SETD1A: variants seen among roughly 807,000 people sequenced by gnomAD.
SETD1A encodes histone-lysine N-methyltransferase SETD1A.
A neutral mutation model predicts 149.9 loss-of-function variants in SETD1A; 29 were observed. The ratio of observed to expected loss-of-function variants is 0.19; its 90% CI spans 0.14 to 0.26. The LOEUF (loss-of-function observed/expected upper bound fraction) is 0.26. SETD1A is among the 10% of genes least tolerant of loss of function. The pLI, the probability that SETD1A is intolerant of heterozygous loss-of-function variation, is 1.00. For missense variants in SETD1A, 2,109 were observed against 2,353.1 expected, an observed-to-expected ratio of 0.90 and a Z score of 2.15; for synonymous variants, 1,141 against 968.5, an observed-to-expected ratio of 1.18 and a Z score of -3.31.
In SETD1A at chr16:30,983,828, T is replaced by A. The variant is rs770192761; in HGVS notation, c.4951-22T>A. 6.2e-7 allele frequency: 1 copy of A among 1,610,480 alleles called. No individual in the cohort carries two copies. Among genetic ancestry groups the A allele is most frequent in the Non-Finnish European group, 8.5e-7 (1 of 1,177,942 alleles). ...GGGGGTCGGTGGGGGTGGCCACGGC[T>A]CACACGCCCTTCCATCCGCAGCCTA... On this transcript the variant is annotated intron_variant, in intron 18 of 18. Coordinates refer to ENST00000262519, the MANE Select transcript of SETD1A (RefSeq NM_014712.3). The surrounding 1 kb of genome is among the most constrained non-coding windows in gnomAD (Gnocchi z 6.8).
intron 13 of SETD1A, among the ~76,000 whole-genome samples, chr16:30,977,716 G>T (rs2056301125): frequency 6.6e-6 from 1 of 152,210 alleles, no homozygotes; most frequent in Non-Finnish European, 1.5e-5. Context: ...ACCCCAGCGG[G>T]TGTCTAGAGC....
intron 10 of SETD1A, among the ~76,000 whole-genome samples, chr16:30,968,384 T>C (rs1338685785): frequency 7.1e-6 from 1 of 140,958 alleles, no homozygotes; most frequent in Non-Finnish European, 1.5e-5. Flanking sequence ...GCCTGGGTGA[T>C]AGCACGAGAC....
At chr16:30,971,282 A>G in intron 12 of SETD1A, 96 bp from the exon 13 acceptor site, 1 of 1,311,902 alleles carries the variant, frequency 7.6e-7, no homozygotes, top group African/African-American at 1.5e-5. Context: ...TCCCTAGCCC[A>G]GAGCCCAGCA....
intron 5 of SETD1A, 118 bp downstream of exon 5, chr16:30,963,672 C>A: frequency 8.8e-7 from 1 of 1,134,192 alleles, no homozygotes. Context: ...AAGAGCCAAG[C>A]AAAGCTGCTG....
chr16:30,971,432 A>C lies in SETD1A; in HGVS notation c.3071A>C (p.Asp1024Ala). 6.2e-7 allele frequency: 1 copy of C among 1,612,490 alleles called. No homozygotes were observed. The highest frequency in any genetic ancestry group is 8.5e-7 in the Non-Finnish European group (1 of 1,178,918). The change falls in exon 13 of 19, where the codon GAT becomes GCT. Residue 1024 changes from aspartate to alanine, a missense_variant. Physicochemically the swap from Asp to Ala is moderately radical, Grantham distance 126 (BLOSUM62 -2). Coordinates refer to ENST00000262519, the MANE Select transcript of SETD1A (RefSeq NM_014712.3). ...AAATGTTCTCTGTATGCTGACTCAG[A>C]TGGCGAAAATGACAGCACATCAGAC... The part of the protein sequence containing the change: ...SSKCSLYADS[D>A]GENDSTSDSE...
chr16:30,971,698 G>A lies in SETD1A; in HGVS notation c.3337G>A (p.Ala1113Thr). Residue 1113 changes from alanine to threonine, a missense_variant, in exon 13 of 19, where the codon GCG becomes ACG. Physicochemically the swap from Ala to Thr is moderately conservative, Grantham distance 58. Transcript: ENST00000262519. ...SPVTPLPEQE[A>T]SPARPAGPTE... Reference sequence around the variant, plus strand: ...AGTCACACCCCTGCCCGAACAGGAGGCGTCTCCAGCAAGGCCTGCAGGTAG... The same window carrying A: ...AGTCACACCCCTGCCCGAACAGGAGACGTCTCCAGCAAGGCCTGCAGGTAG... 1 of 1,577,126 alleles carries A rather than the reference G, an allele frequency of 6.3e-7. No individual in the cohort carries two copies. Among genetic ancestry groups the A allele is most frequent in the East Asian group, 2.3e-5 (1 of 44,354 alleles).
intron 13 of SETD1A, among the ~76,000 whole-genome samples, chr16:30,976,875 A>G (rs1291677746): frequency 2.0e-5 from 3 of 151,998 alleles, no homozygotes; most frequent in Admixed American, 6.5e-5. Context: ...AGGGCACGAC[A>G]AGGGAGTCTG....
intron 1 of SETD1A, 90 bp from the exon 2 acceptor site, chr16:30,958,627 A>T: frequency 8.8e-7 from 1 of 1,140,090 alleles, no homozygotes; most frequent in Non-Finnish European, 1.3e-6. Context: ...GTGATGGGAG[A>T]ACCTGGAATC....
At position 30,971,683 on chromosome 16, in the gene SETD1A, C is replaced by G; in HGVS notation, c.3322C>G (p.Leu1108Val). 6.3e-7 allele frequency: 1 copy of G among 1,592,614 alleles called. No individual in the cohort carries two copies. The highest frequency in any genetic ancestry group is 1.1e-5 in the South Asian group (1 of 89,228). Reference protein sequence around the residue: ...ERVAGSPVTPLPEQEASPARP... With the variant: ...ERVAGSPVTPVPEQEASPARP... ...GGTTGCAGGCTCCCCAGTCACACCCCTGCCCGAACAGGAGGCGTCTCCAGC... is the reference window on the plus strand; with the variant it reads ...GGTTGCAGGCTCCCCAGTCACACCCGTGCCCGAACAGGAGGCGTCTCCAGC... Residue 1108 changes from leucine to valine, a missense_variant, in exon 13 of 19, where the codon CTG becomes GTG. Leu to Val is a conservative substitution (Grantham distance 32). Around this residue, in one of 8 missense-constraint regions of SETD1A, gnomAD observed 832 missense variants for 815.6 expected, o/e 1.02. Coordinates refer to ENST00000262519, the MANE Select transcript of SETD1A (RefSeq NM_014712.3).
chr16:30,961,513 A>G lies in SETD1A; in HGVS notation c.493A>G (p.Ile165Val). Residue 165 changes from isoleucine to valine, a missense_variant, in exon 4 of 19, where the codon ATC (isoleucine) becomes GTC (valine). By Grantham distance (29) the Ile-to-Val change is conservative. Coordinates refer to ENST00000262519, the MANE Select transcript of SETD1A (RefSeq NM_014712.3). This position sits in a 1 kb window ranked among gnomAD's most constrained non-coding sequence, Gnocchi z 4.0. ...CCTTACCTCCGTCATGGGCAACATC[A>G]TCCATGCCCAGCTTGACATCAAAGG... is the stretch of plus-strand genomic sequence containing the variant. ...LHLTSVMGNI[I>V]HAQLDIKGQQ... The G allele has an allele frequency of 6.2e-7, 1 of 1,613,936 alleles. No homozygotes were observed. The highest frequency in any genetic ancestry group is 8.5e-7 in the Non-Finnish European group (1 of 1,179,968).
At position 30,964,820 on chromosome 16, in the gene SETD1A, C is replaced by T. The variant is rs1596674555; in HGVS notation, c.1078C>T (p.Arg360Cys). The change falls in exon 7 of 19, where the codon CGT becomes TGT. Residue 360 changes from arginine to cysteine, a missense_variant. By Grantham distance (180) the Arg-to-Cys change is radical. Transcript: ENST00000262519. ...CTCTTCCTCCTCGTCCTCTCAGTTTCGTAGTTCTGATGCAAACTACCCAGC... is the reference window on the plus strand; with the variant it reads ...CTCTTCCTCCTCGTCCTCTCAGTTTTGTAGTTCTGATGCAAACTACCCAGC... ...SSSSSSSSQF[R>C]SSDANYPAYY... 1.2e-6 allele frequency: 2 copies of T among 1,614,166 alleles called. No homozygotes were observed. The highest frequency in any genetic ancestry group is 2.2e-5 in the East Asian group (1 of 44,882).
At position 30,979,809 on chromosome 16, in the gene SETD1A, G is replaced by A. The variant is rs770195248; in HGVS notation, c.4023G>A (p.Val1341=). ...ATGAGGTCCTGGAGGCCCCCGAGGT[G>A]GTGGTGGCTGAGGCGGAGGAGCCCA... ...PADEVLEAPE[V]VVAEAEEPKP... is the part of the protein sequence containing the mutation. Residue 1341 remains valine (V), a synonymous_variant, in exon 14 of 19, where the codon GTG becomes GTA. Coordinates refer to ENST00000262519, the MANE Select transcript of SETD1A (RefSeq NM_014712.3). 8 of 1,568,990 alleles carry A rather than the reference G, an allele frequency of 5.1e-6. No homozygotes were observed. In the South Asian group the frequency reaches 6.8e-5, roughly 13 times the overall value.
At chr16:30,967,391 T>A in intron 9 of SETD1A, 110 bp from the exon 10 acceptor site, 1 of 927,192 alleles carries the variant, frequency 1.1e-6, no homozygotes, top group Non-Finnish European at 1.8e-6. Context: ...TAACCTCAGG[T>A]GATCTACCTG....
At chr16:30,958,932 C>G (rs754913260) in intron 2 of SETD1A, 51 bp downstream of exon 2, 1 of 1,604,504 alleles carries the variant, frequency 6.2e-7, no homozygotes. Context: ...GGCGCCCGTC[C>G]TCTGTGATTC....
intron 13 of SETD1A, among the ~76,000 whole-genome samples, chr16:30,974,453 C>G (rs367741439): frequency 6.6e-6 from 1 of 152,012 alleles, no homozygotes; most frequent in Non-Finnish European, 1.5e-5. Flanking sequence ...AAGCAGGGCC[C>G]GAGGAGGCTG....
chr16:30,965,313 G>A lies in SETD1A; in HGVS notation c.1571G>A (p.Arg524Lys), dbSNP rs1373855072. ...AACAGCAGCATGGTCCTTGGGGCCA[G>A]AGATACAGGGAGTGAGGTGCCTTCT... Reference protein sequence around the residue: ...EENSSMVLGARDTGSEVPSGS... With the variant: ...EENSSMVLGAKDTGSEVPSGS... Residue 524 changes from arginine (R) to lysine (K), a missense_variant, in exon 7 of 19, where the codon AGA becomes AAA. This residue lies in a region of SETD1A where 431 missense variants were observed against 388.6 expected (regional missense o/e 1.11). Transcript: ENST00000262519. 6.2e-7 allele frequency: 1 copy of A among 1,614,234 alleles called. No homozygotes were observed. The highest frequency in any genetic ancestry group is 2.2e-5 in the East Asian group (1 of 44,878).
rs1036567786 is a variant in SETD1A, at chr16:30,966,791, C to T, written c.2506-93C>T. 13 of 1,352,354 alleles carry T rather than the reference C, an allele frequency of 9.6e-6. No homozygotes were observed. In the Admixed American group the frequency reaches 1.2e-4, roughly 12 times the overall value. The allele number at this position is 1,352,354 out of a possible 1,614,324, so 83.8% of individuals were successfully genotyped here. A position where few individuals can be genotyped will look rare whatever the true frequency, so the allele number is the denominator to read the frequency against. On this transcript the variant is annotated intron_variant, in intron 8 of 18. Coordinates refer to ENST00000262519, the MANE Select transcript of SETD1A (RefSeq NM_014712.3). ...CAAGATATGGAGCAGCAAGTAGATG[C>T]GTTCTGTATTCCTGGGGTCCGGGAG...
At position 30,984,366 on chromosome 16, in the gene SETD1A, A is replaced by G; in HGVS notation, c.*343A>G. 4.0e-6 allele frequency: 1 copy of G among 249,278 alleles called. No individual in the cohort carries two copies. The highest frequency in any genetic ancestry group is 7.8e-6 in the Non-Finnish European group (1 of 127,812). 15.4% of individuals were successfully genotyped at this position (249,278 alleles called of 1,614,324 possible). A position where few individuals can be genotyped will look rare whatever the true frequency, so the allele number is the denominator to read the frequency against. ...GTCCTCTTGCTTTGTGTTAATGGGG[A>G]CTTCCCCTTACGCCCTGCGTGTACC... On this transcript the variant is annotated 3_prime_UTR_variant, in exon 19 of 19. Transcript: ENST00000262519.
chr16:30,979,623 C>G lies in SETD1A; in HGVS notation c.3837C>G (p.Ala1279=), dbSNP rs1030561484. Residue 1279 remains alanine, a synonymous_variant, in exon 14 of 19, where the codon GCC becomes GCG. Transcript: ENST00000262519. ...PALPAVEDSE[A]TETSDEAERP... ...TGCCTGCTGTTGAAGACTCAGAGGC[C>G]ACAGAGACATCGGACGAGGCCGAGC... The G allele has an allele frequency of 7.4e-6, 12 of 1,611,092 alleles. No individual in the cohort carries two copies. Among genetic ancestry groups the G allele is most frequent in the Non-Finnish European group, 1.0e-5 (12 of 1,179,750 alleles).
Sources: gnomAD v4.1 joint callset for allele counts (sites outside exome capture counted in the v4.1 genomes callset) on GRCh38, gnomAD v4.1.1 for gene constraint, gnomAD v4.1.1 regional missense constraint, Gnocchi (gnomAD v3.1) non-coding constraint, MANE v1.5 for transcripts, NCBI Gene and HGNC (gene_info 2026-07-23, HGNC 2026-07-21) for gene names.